TCF7L1: variants seen among roughly 807,000 people sequenced by gnomAD.
TCF7L1 encodes the protein transcription factor 7-like 1.
In TCF7L1, 18 loss-of-function variants were observed where a neutral mutation model predicts 63.7. The ratio of observed to expected loss-of-function variants is 0.28; its 90% CI spans 0.20 to 0.42. The LOEUF is 0.42. Ranked by LOEUF, TCF7L1 falls within the 10% of genes least tolerant of loss-of-function variation. TCF7L1 has a pLI of 1.00. For missense variants in TCF7L1, 654 were observed against 779.3 expected (o/e 0.84, Z 1.91); for synonymous variants, 355 against 340.9 (o/e 1.04, Z -0.46).
intron 3 of TCF7L1, among the ~76,000 whole-genome samples, chr2:85,237,201 C>T (rs1026613396): frequency 6.6e-6 from 1 of 152,184 alleles, no homozygotes; most frequent in African/African-American, 2.4e-5. Context: ...TGTTAGAACT[C>T]CTGGACAGTT....
rs1681672694 is a variant in TCF7L1 at position 85,290,167 on chromosome 2, G to T, written c.525+6589G>T. On this transcript the variant is annotated intron_variant, in intron 4 of 11. Transcript: ENST00000282111. ...CTAATTTTTGTATTTTTTTAGTAGA[G>T]ACGGGGTTTCACCATGATAGCCAGG... Among the ~76,000 whole-genome samples, 4 of 151,824 alleles carry T rather than the reference G, an allele frequency of 2.6e-5. No individual in the cohort carries two copies. The South Asian group carries it at 8.3e-4, about 32-fold the overall frequency.
At chr2:85,183,205 A>G (rs924668869) in intron 3 of TCF7L1, among the ~76,000 whole-genome samples, 2 of 152,174 alleles carry the variant, frequency 1.3e-5, no homozygotes, top group African/African-American at 4.8e-5. Context: ...ATCAAAATGC[A>G]TTTCAAATGG....
At chr2:85,256,515 G>A (rs938729836) in intron 3 of TCF7L1, among the ~76,000 whole-genome samples, 14 of 152,280 alleles carry the variant, frequency 9.2e-5, no homozygotes, top group South Asian at 2.1e-4. Flanking sequence ...CCCTGCTTCC[G>A]GACACACAAT....
chr2:85,142,366 C>T (rs1677756238), intron 3 of TCF7L1, among the ~76,000 whole-genome samples: 1 of 149,908 alleles, frequency 6.7e-6, no homozygotes, highest in African/African-American at 2.5e-5. Flanking sequence ...TGTAGTGAGC[C>T]ATGATCACGC....
At chr2:85,145,155 C>G (rs1184519535) in intron 3 of TCF7L1, among the ~76,000 whole-genome samples, 1 of 151,234 alleles carries the variant, frequency 6.6e-6, no homozygotes, top group Non-Finnish European at 1.5e-5. Context: ...GAAAGATTAA[C>G]AAAGGGGGCT....
At chr2:85,268,862 G>A (rs185219548) in intron 3 of TCF7L1, among the ~76,000 whole-genome samples, 128 of 152,248 alleles carry the variant, frequency 8.4e-4, no homozygotes, top group African/African-American at 2.9e-3. Context: ...GAAAGTCAGC[G>A]GGCAGCAGGG....
In TCF7L1 at chr2:85,210,219, A is replaced by T. The variant is rs1304165706; in HGVS notation, c.442-73276A>T. On this transcript the variant is annotated intron_variant, in intron 3 of 11. Transcript: ENST00000282111. ...TGTGCCTTTCCCCTTGCCTCCTCTG[A>T]GAGGCCTCGCTCCTGCCTGGCCCCT... Among the ~76,000 whole-genome samples, 4 of 152,304 alleles carry T rather than the reference A, an allele frequency of 2.6e-5. No individual in the cohort carries two copies. The East Asian group carries it at 7.7e-4, about 29-fold the overall frequency.
intron 4 of TCF7L1, among the ~76,000 whole-genome samples, chr2:85,300,995 G>C (rs1681958944): frequency 6.6e-6 from 1 of 152,120 alleles, no homozygotes; most frequent in Non-Finnish European, 1.5e-5. Flanking sequence ...GGCCAGGCTA[G>C]TCTCGAACTC....
At chr2:85,282,548 G>C (rs1400312937) in intron 3 of TCF7L1, among the ~76,000 whole-genome samples, 1 of 152,194 alleles carries the variant, frequency 6.6e-6, no homozygotes, top group Non-Finnish European at 1.5e-5. Flanking sequence ...ACCGTCCCTA[G>C]TCCGAACAAC....
At chr2:85,271,347 G>A (rs1446750427) in intron 3 of TCF7L1, among the ~76,000 whole-genome samples, 2 of 152,134 alleles carry the variant, frequency 1.3e-5, no homozygotes, top group Non-Finnish European at 2.9e-5. Flanking sequence ...TCCTGACCTC[G>A]TGATCCTCCT....
chr2:85,135,934 G>T (rs924212509), intron 3 of TCF7L1, among the ~76,000 whole-genome samples: 1 of 51,420 alleles, frequency 1.9e-5, no homozygotes, highest in South Asian at 4.8e-4. Context: ...CAATCAAAGG[G>T]GGGGGGGGAT....
intron 3 of TCF7L1, among the ~76,000 whole-genome samples, chr2:85,156,867 G>GATATTTTGGTTAGAA (rs534543420): frequency 3.9e-5 from 6 of 152,198 alleles, no homozygotes; most frequent in South Asian, 2.1e-4. Context: ...AATGCCTGGA[G>GATATTTTGGTTAGAA]ATATTTTGGT....
intron 3 of TCF7L1, among the ~76,000 whole-genome samples, chr2:85,203,140 C>T (rs553818183): frequency 1.3e-5 from 2 of 152,258 alleles, no homozygotes; most frequent in South Asian, 4.1e-4. Context: ...CGCCCAGTAC[C>T]TCCTAACTCT....
chr2:85,279,973 G>A (rs565691833), intron 3 of TCF7L1, among the ~76,000 whole-genome samples: 2 of 152,320 alleles, frequency 1.3e-5, no homozygotes, highest in East Asian at 1.9e-4. Context: ...CAAGTACATG[G>A]TCAGACACCC....
chr2:85,195,836 C>T (rs1679142914), intron 3 of TCF7L1, among the ~76,000 whole-genome samples: 1 of 152,062 alleles, frequency 6.6e-6, no homozygotes, highest in South Asian at 2.1e-4. Flanking sequence ...TGTGAGCCAC[C>T]ATACCTGGCC....
At chr2:85,160,889 A>G (rs1012545976) in intron 3 of TCF7L1, among the ~76,000 whole-genome samples, 1 of 152,144 alleles carries the variant, frequency 6.6e-6, no homozygotes, top group Admixed American at 6.5e-5. Flanking sequence ...GTTTTGTTCC[A>G]GAAGATCATT....
chr2:85,287,510 A>G lies in TCF7L1; in HGVS notation c.525+3932A>G, dbSNP rs1008149897. ...TGTGCTCTGCAAATAATAACTCAGC[A>G]TTGTGGTGGAGCAGGGGTCCCTTAT... On this transcript the variant is annotated intron_variant, in intron 4 of 11. Transcript: ENST00000282111. Among the ~76,000 whole-genome samples, 6 of 152,292 alleles carry G rather than the reference A, an allele frequency of 3.9e-5. No individual in the cohort carries two copies. In the South Asian group the frequency reaches 1.2e-3, roughly 32 times the overall value.
intron 4 of TCF7L1, among the ~76,000 whole-genome samples, chr2:85,296,392 G>A (rs1191789224): frequency 6.6e-6 from 1 of 152,174 alleles, no homozygotes; most frequent in Non-Finnish European, 1.5e-5. Flanking sequence ...TGGCCAGAAT[G>A]TCACTGCACT....
intron 3 of TCF7L1, among the ~76,000 whole-genome samples, chr2:85,260,820 T>C (rs1680841811): frequency 6.6e-6 from 1 of 152,232 alleles, no homozygotes. Context: ...CAGTATCACA[T>C]ACTCAGCCCC....
Sources: gnomAD v4.1 joint callset for allele counts (sites outside exome capture counted in the v4.1 genomes callset) on GRCh38, gnomAD v4.1.1 for gene constraint, MANE v1.5 for transcripts, NCBI Gene and HGNC (gene_info 2026-07-23, HGNC 2026-07-21) for gene names.